Variants in PBX1 observed in about 807,000 individuals in gnomAD.
PBX1 encodes the protein pre-B-cell leukemia transcription factor 1.
Under a neutral mutation model 53.4 loss-of-function variants are expected in PBX1, and 6 were observed. The ratio of observed to expected loss-of-function variants is 0.11; its 90% confidence interval spans 0.06 to 0.22. The LOEUF is 0.22. Among genes scored for constraint, PBX1 ranks in the 10% least tolerant of loss-of-function variants. The pLI is 1.00. For missense variants in PBX1, 251 were observed against 551.4 expected (o/e 0.46, Z 5.46); for synonymous variants, 204 against 212.3 (o/e 0.96, Z 0.34).
intron 2 of PBX1, among the ~76,000 whole-genome samples, chr1:164,582,645 G>A (rs796911749): frequency 2.6e-5 from 4 of 151,998 alleles, no homozygotes; most frequent in African/African-American, 9.7e-5. Flanking sequence ...TTGGTCTGGA[G>A]CTCCTGACCT....
intron 2 of PBX1, among the ~76,000 whole-genome samples, chr1:164,668,149 C>T (rs983106081): frequency 7.9e-5 from 12 of 152,258 alleles, no homozygotes; most frequent in Non-Finnish European, 1.6e-4. Flanking sequence ...GTCATCTGTT[C>T]CCAACAGTCA....
At chr1:164,675,137 TTAATTA>T (rs970890812) in intron 2 of PBX1, among the ~76,000 whole-genome samples, 2 of 152,054 alleles carry the variant, frequency 1.3e-5, no homozygotes, top group African/African-American at 4.8e-5. Context: ...ATTGAGGTCT[TTAATTA>T]TTGGTCCTGG....
chr1:164,737,953 T>C (rs1665390467), intron 2 of PBX1, among the ~76,000 whole-genome samples: 1 of 152,216 alleles, frequency 6.6e-6, no homozygotes, highest in Admixed American at 6.5e-5. Flanking sequence ...TTATAAGCTC[T>C]TCTAGAATTT....
intron 2 of PBX1, among the ~76,000 whole-genome samples, chr1:164,567,437 A>AT (rs765343861): frequency 5.8e-4 from 85 of 145,836 alleles, no homozygotes; most frequent in East Asian, 1.8e-3. Flanking sequence ...AATTTGGTTC[A>AT]TTTTTTTTTT....
At chr1:164,617,903 T>G (rs2101843185) in intron 2 of PBX1, among the ~76,000 whole-genome samples, 1 of 152,246 alleles carries the variant, frequency 6.6e-6, no homozygotes, top group South Asian at 2.1e-4. Flanking sequence ...CCCATTTTCT[T>G]TTTTTTGCCC....
chr1:164,786,569 G>T (rs1381245622), intron 2 of PBX1, among the ~76,000 whole-genome samples: 6 of 152,160 alleles, frequency 3.9e-5, no homozygotes, highest in Non-Finnish European at 8.8e-5. Context: ...ACCAGATTTA[G>T]AGAAATTAAA....
intron 8 of PBX1, among the ~76,000 whole-genome samples, chr1:164,837,265 T>C (rs553127059): frequency 6.6e-6 from 1 of 152,278 alleles, no homozygotes; most frequent in South Asian, 2.1e-4. Flanking sequence ...AAATCAAAGG[T>C]TATAAAAATG....
intron 2 of PBX1, among the ~76,000 whole-genome samples, chr1:164,714,518 T>TA (rs1346803173): frequency 6.6e-6 from 1 of 152,040 alleles, no homozygotes; most frequent in African/African-American, 2.4e-5. Context: ...TATTTTAAGA[T>TA]AGGAGAGATA....
chr1:164,680,706 A>G (rs1485658022), intron 2 of PBX1: 1 of 152,214 alleles, frequency 6.6e-6, no homozygotes, highest in Non-Finnish European at 1.5e-5. Flanking sequence ...TCTCATGGTG[A>G]ACTGAATCTG....
intron 2 of PBX1, among the ~76,000 whole-genome samples, chr1:164,675,696 A>G (rs1195080832): frequency 6.6e-6 from 1 of 152,166 alleles, no homozygotes; most frequent in Non-Finnish European, 1.5e-5. Context: ...ACCATTATGA[A>G]TAAGCTCCAG....
At chr1:164,779,770 T>C (rs1163825213) in intron 2 of PBX1, among the ~76,000 whole-genome samples, 6 of 152,142 alleles carry the variant, frequency 3.9e-5, no homozygotes, top group Non-Finnish European at 7.3e-5. Flanking sequence ...TGGGGTTCAA[T>C]GAAGTGCCAT....
intron 2 of PBX1, chr1:164,769,410 A>T (rs1287154640): frequency 6.6e-6 from 1 of 152,218 alleles, no homozygotes; most frequent in East Asian, 1.9e-4. Flanking sequence ...GATGCTATAC[A>T]TAAAGTGGGG....
chr1:164,853,842 C>T (rs1249397164), downstream of PBX1, among the ~76,000 whole-genome samples: 1 of 152,102 alleles, frequency 6.6e-6, no homozygotes, highest in East Asian at 1.9e-4. Context: ...ATCTCATACG[C>T]TCACCCCTTC....
At chr1:164,589,470 G>A (rs1416209054) in intron 2 of PBX1, among the ~76,000 whole-genome samples, 1 of 152,032 alleles carries the variant, frequency 6.6e-6, no homozygotes, top group East Asian at 1.9e-4. Context: ...AAATTCTCTG[G>A]GATATAAGGG....
At chr1:164,704,826 GT>G (rs1447789697) in intron 2 of PBX1, among the ~76,000 whole-genome samples, 1 of 152,180 alleles carries the variant, frequency 6.6e-6, no homozygotes, top group African/African-American at 2.4e-5. Flanking sequence ...ATTTCTCAGT[GT>G]GTGGGTATAA....
chr1:164,691,175 C>T (rs377748106), intron 2 of PBX1, among the ~76,000 whole-genome samples: 6 of 151,782 alleles, frequency 4.0e-5, no homozygotes, highest in Admixed American at 6.6e-5. Context: ...CCACCATGCC[C>T]GGCTAATTTT....
At chr1:164,620,455 C>T (rs1168365629) in intron 2 of PBX1, among the ~76,000 whole-genome samples, 7 of 151,810 alleles carry the variant, frequency 4.6e-5, no homozygotes, top group Non-Finnish European at 7.4e-5. Context: ...AGTTCATATG[C>T]GTGCATGTGC....
At chr1:164,673,661 C>T (rs1040906252) in intron 2 of PBX1, among the ~76,000 whole-genome samples, 4 of 151,804 alleles carry the variant, frequency 2.6e-5, no homozygotes, top group Non-Finnish European at 1.5e-5. Flanking sequence ...TTTAAGTTGC[C>T]CTAAGAAACT....
At chr1:164,803,117 A>C (rs928897405) in intron 4 of PBX1, among the ~76,000 whole-genome samples, 1 of 152,214 alleles carries the variant, frequency 6.6e-6, no homozygotes, top group Non-Finnish European at 1.5e-5. Context: ...CTGGCACTCT[A>C]CTTAGATTTA....
Sources: gnomAD v4.1 joint callset for allele counts (sites outside exome capture counted in the v4.1 genomes callset) on GRCh38, gnomAD v4.1.1 for gene constraint, MANE v1.5 for transcripts, NCBI Gene and HGNC (gene_info 2026-07-23, HGNC 2026-07-21) for gene names.